Variants in OTOF observed in about 807,000 individuals in gnomAD.
OTOF encodes fer-1-like family member 2.
OTOF carries 218 observed loss-of-function variants against 236.8 expected under a neutral mutation model. The ratio of observed to expected loss-of-function variants is 0.92; its 90% CI spans 0.82 to 1.03. The LOEUF is 1.03. Among genes scored for constraint, OTOF ranks in the 50% least tolerant of loss-of-function variants. OTOF has a pLI of 0.00. For missense variants in OTOF, 2,590 were observed against 2,694.4 expected, an observed-to-expected ratio of 0.96 and a Z score of 0.86; for synonymous variants, 1,041 against 1,072.5, an observed-to-expected ratio of 0.97 and a Z score of 0.57.
intron 5 of OTOF, among the ~76,000 whole-genome samples, chr2:26,514,858 G>T (rs1182558076): frequency 6.6e-6 from 1 of 152,172 alleles, no homozygotes; most frequent in Admixed American, 6.5e-5. Flanking sequence ...CTTAGAGCCC[G>T]GCTTCTGGTT....
intron 16 of OTOF, among the ~76,000 whole-genome samples, 159 bp from the exon 17 acceptor site, chr2:26,479,812 G>A (rs1489513991): frequency 6.6e-6 from 1 of 152,246 alleles, no homozygotes; most frequent in Non-Finnish European, 1.5e-5. Context: ...ATTAGCCCGT[G>A]TCCCCACTCC....
At chr2:26,503,978 C>G in intron 5 of OTOF, 133 bp from the exon 6 acceptor site, 1 of 773,166 alleles carries the variant, frequency 1.3e-6, no homozygotes, top group Non-Finnish European at 2.2e-6. Flanking sequence ...CTACTGGTCC[C>G]GAGACAGATC....
intron 46 of OTOF, 41 bp from the exon 47 acceptor site, chr2:26,458,261 G>T: frequency 6.5e-7 from 1 of 1,547,644 alleles, no homozygotes; most frequent in Non-Finnish European, 8.7e-7. Context: ...CAGTGGGCAG[G>T]AGCTGCCTCC....
At chr2:26,506,205 T>C (rs1666243888) in intron 5 of OTOF, among the ~76,000 whole-genome samples, 1 of 152,194 alleles carries the variant, frequency 6.6e-6, no homozygotes, top group Admixed American at 6.5e-5. Context: ...GGGATTCCTT[T>C]TTGCCCAGCC....
chr2:26,525,570 C>G (rs773667715), intron 3 of OTOF, among the ~76,000 whole-genome samples: 1 of 152,194 alleles, frequency 6.6e-6, no homozygotes, highest in Non-Finnish European at 1.5e-5. Context: ...AATACCTCAT[C>G]TCAGTATCTC....
Position 26,476,176 on chromosome 2 carries a change from G to T in OTOF, c.2818C>A (p.Gln940Lys). The T allele has an allele frequency of 1.2e-6, 2 of 1,611,026 alleles. No individual in the cohort carries two copies. The highest frequency in any genetic ancestry group is 8.5e-7 in the Non-Finnish European group (1 of 1,179,748). Reference protein sequence around the residue: ...PCGFQEVKAAQGLGLHAFPPV... With the variant: ...PCGFQEVKAAKGLGLHAFPPV... ...GGGAAGGCATGCAGGCCCAGGCCCTGGGCTGCCTTGACCTCCTGGAAGCCA... is the reference window on the plus strand; with the variant it reads ...GGGAAGGCATGCAGGCCCAGGCCCTTGGCTGCCTTGACCTCCTGGAAGCCA... Residue 940 changes from glutamine to lysine, a missense_variant, in exon 23 of 47, where the codon CAG (glutamine) becomes AAG (lysine). Gln to Lys is a moderately conservative substitution (Grantham distance 53, BLOSUM62 1). Around this residue, in one of 2 missense-constraint regions of OTOF, gnomAD observed 1,379 missense variants for 1,341.6 expected, o/e 1.03. Transcript: ENST00000272371.
Position 26,483,790 on chromosome 2 carries a change from C to T in OTOF, c.1206-142G>A, listed in dbSNP as rs571177004. 2.0e-4 allele frequency: 142 copies of T among 724,872 alleles called. 1 individual carries two copies. The highest frequency in any genetic ancestry group is 2.6e-4 in the Non-Finnish European group (116 of 438,898). The allele number at this position is 724,872 out of a possible 1,614,324, so 44.9% of individuals were successfully genotyped here. A position where few individuals can be genotyped will look rare whatever the true frequency, so the allele number is the denominator to read the frequency against. On this transcript the variant is annotated intron_variant, in intron 12 of 46. Transcript: ENST00000272371. ...GGCTAGGATTAGACACTTGTGTTCA[C>T]GGAACTTGCCCCTTGTGGGATTCTG... is the stretch of plus-strand genomic sequence containing the variant.
rs759434925 is a variant in OTOF, at chr2:26,458,025, G to A, written c.*213C>T. On this transcript the variant is annotated 3_prime_UTR_variant, in exon 47 of 47. Transcript: ENST00000272371. ...GCGGCAGGGCTGGGGAGCGGCTGGC[G>A]GGAGCTGGCGGCCTTCATGCCCCAA... 2.0e-5 allele frequency: 32 copies of A among 1,608,526 alleles called. No homozygotes were observed. The Admixed American group carries it at 3.7e-4, about 18-fold the overall frequency.
Position 26,462,243 on chromosome 2 carries a change from G to A in OTOF, c.5193-62C>T. On this transcript the variant is annotated intron_variant, in intron 41 of 46. Coordinates refer to ENST00000272371, the MANE Select transcript of OTOF (RefSeq NM_194248.3). This position sits in a 1 kb window ranked among gnomAD's most constrained non-coding sequence, Gnocchi z 4.7. The stretch of plus-strand genomic sequence containing the variant: ...GGTGGGGGTTATGCCAGGGTGCCAG[G>A]GCTGGGATGGGGCAGGCGGAGAGAA... 1 of 1,401,470 alleles carries A rather than the reference G, an allele frequency of 7.1e-7. No homozygotes were observed. The highest frequency in any genetic ancestry group is 1.2e-5 in the South Asian group (1 of 86,890). The allele number at this position is 1,401,470 out of a possible 1,614,324, so 86.8% of individuals were successfully genotyped here. A position where few individuals can be genotyped will look rare whatever the true frequency, so the allele number is the denominator to read the frequency against.
chr2:26,525,025 C>T (rs1383985636), intron 3 of OTOF, among the ~76,000 whole-genome samples: 1 of 152,202 alleles, frequency 6.6e-6, no homozygotes, highest in East Asian at 1.9e-4. Flanking sequence ...GTTCCTGTTT[C>T]TCCTGTCCTC....
intron 1 of OTOF, among the ~76,000 whole-genome samples, chr2:26,538,849 C>G (rs13388995): frequency 0.022 from 3,234 of 146,722 alleles, 113 homozygotes; most frequent in African/African-American, 0.077. Context: ...CAGTCTTGCT[C>G]TGTTCCCAGG....
chr2:26,459,239 C>T (rs920046393), intron 46 of OTOF, among the ~76,000 whole-genome samples: 8 of 152,228 alleles, frequency 5.3e-5, no homozygotes, highest in African/African-American at 1.9e-4. Context: ...CATAGCTCAG[C>T]TTCTTTCTGC....
chr2:26,465,027 T>C lies in OTOF; in HGVS notation c.4802A>G (p.His1601Arg). 1 of 1,473,894 alleles carries C rather than the reference T, an allele frequency of 6.8e-7. No homozygotes were observed. The highest frequency in any genetic ancestry group is 1.4e-5 in the African/African-American group (1 of 69,602). The allele number at this position is 1,473,894 out of a possible 1,614,324, so 91.3% of individuals were successfully genotyped here. Residue 1601 changes from histidine to arginine, a missense_variant and splice_region_variant, in exon 39 of 47, where the codon CAT becomes CGT. Physicochemically the swap from His to Arg is conservative, Grantham distance 29. Around this residue, in one of 2 missense-constraint regions of OTOF, gnomAD observed 1,211 missense variants for 1,352.8 expected, o/e 0.90. Transcript: ENST00000272371. ...TCGIAQTYSTHGYNIWRDPMK... is the reference protein window; with the variant it reads ...TCGIAQTYSTRGYNIWRDPMK... ...GGGGTCCCGCCAGATATTGTAGCCA[T>C]GTCTGTGGGAGGGGACACACAGGCT... is the stretch of plus-strand genomic sequence containing the variant.
chr2:26,466,000 ATGTCAGTCT>A lies in OTOF; in HGVS notation c.4568_4576del (p.Lys1523_Asp1525del). 4 of 1,614,224 alleles carry A rather than the reference ATGTCAGTCT, an allele frequency of 2.5e-6. No individual in the cohort carries two copies. Among genetic ancestry groups the A allele is most frequent in the Non-Finnish European group, 3.4e-6 (4 of 1,180,046 alleles). On this transcript the variant is annotated inframe_deletion, in exon 37 of 47. Coordinates refer to ENST00000272371, the MANE Select transcript of OTOF (RefSeq NM_194248.3). ...GGAGATGTAGTTCTCCTTGTCGCGG[ATGTCAGTCT>A]TGCCTAGCCGGATGGCGATGTAGGG...
At chr2:26,513,198 T>G (rs1666432844) in intron 5 of OTOF, among the ~76,000 whole-genome samples, 1 of 152,056 alleles carries the variant, frequency 6.6e-6, no homozygotes, top group African/African-American at 2.4e-5. Flanking sequence ...CGGGGTAACT[T>G]CATGGCAGAT....
At chr2:26,523,264 C>A (rs941252420) in intron 3 of OTOF, among the ~76,000 whole-genome samples, 35 of 152,224 alleles carry the variant, frequency 2.3e-4, no homozygotes, top group African/African-American at 8.0e-4. Flanking sequence ...TGGGGAAGCC[C>A]AAGGTTCCTG....
chr2:26,510,647 A>C, intron 5 of OTOF: 10 of 1,109,776 alleles, frequency 9.0e-6, no homozygotes, highest in Non-Finnish European at 1.2e-5. Context: ...GCCTGTGGGG[A>C]GGAGGCCTCT....
At chr2:26,519,376 C>A (rs1414829199) in intron 3 of OTOF, among the ~76,000 whole-genome samples, 4 of 152,192 alleles carry the variant, frequency 2.6e-5, no homozygotes, top group South Asian at 2.1e-4. Flanking sequence ...CTACAGACTG[C>A]GGGGAAAGGT....
Position 26,462,477 on chromosome 2 carries a change from A to AAG in OTOF, c.5193-298_5193-297dup, listed in dbSNP as rs577779531. On this transcript the variant is annotated intron_variant, in intron 41 of 46. Coordinates refer to ENST00000272371, the MANE Select transcript of OTOF (RefSeq NM_194248.3). The surrounding 1 kb of genome is among the most constrained non-coding windows in gnomAD (Gnocchi z 4.7). ...ATTTAAGCCCAGTAGCCAGCAATGG[A>AAG]AGCCCATGGAAGCTGTATGTCCCTG... Among the ~76,000 whole-genome samples the AAG allele has an allele frequency of 1.3e-5, 2 of 152,216 alleles. No individual in the cohort carries two copies. Among genetic ancestry groups the AAG allele is most frequent in the South Asian group, 4.1e-4 (2 of 4,832 alleles).
Sources: gnomAD v4.1 joint callset for allele counts (sites outside exome capture counted in the v4.1 genomes callset) on GRCh38, gnomAD v4.1.1 for gene constraint, gnomAD v4.1.1 regional missense constraint, Gnocchi (gnomAD v3.1) non-coding constraint, MANE v1.5 for transcripts, NCBI Gene and HGNC (gene_info 2026-07-23, HGNC 2026-07-21) for gene names.